LARGE1: variants seen among roughly 807,000 people sequenced by gnomAD.
LARGE1 encodes the protein LARGE xylosyl- and glucuronyltransferase 1, also known as xylosyl- and glucuronyltransferase LARGE1.
A neutral mutation model predicts 87.6 loss-of-function variants in LARGE1; 43 were observed. The ratio of observed to expected loss-of-function variants is 0.49; its 90% CI spans 0.38 to 0.63. The LOEUF (loss-of-function observed/expected upper bound fraction) is 0.63. LARGE1 is among the 30% of genes least tolerant of loss of function. The pLI is 0.00. For missense variants in LARGE1, 802 were observed against 1,000.2 expected, an observed-to-expected ratio of 0.80 and a Z score of 2.67; for synonymous variants, 434 against 394.6, an observed-to-expected ratio of 1.10 and a Z score of -1.18.
At chr22:33,154,044 C>G in the LARGE1 span, among the ~76,000 whole-genome samples, 1 of 152,096 alleles carries the variant, frequency 6.6e-6, no homozygotes. Context: ...CTATTGGTTG[C>G]TACCCAGTGC....
chr22:33,667,056 A>G (rs1226820992), intron 2 of LARGE1, among the ~76,000 whole-genome samples: 1 of 152,212 alleles, frequency 6.6e-6, no homozygotes, highest in Non-Finnish European at 1.5e-5. Flanking sequence ...CTCTCTCCAG[A>G]TCCCAGAAGG....
chr22:33,067,782 C>A, the LARGE1 span, among the ~76,000 whole-genome samples: 195 of 152,212 alleles, frequency 1.3e-3, no homozygotes, highest in African/African-American at 4.6e-3. Flanking sequence ...GAGTTCGAGA[C>A]AAGCCTGGCC....
intron 7 of LARGE1, among the ~76,000 whole-genome samples, chr22:33,386,642 T>C (rs1275306156): frequency 6.7e-6 from 1 of 148,842 alleles, no homozygotes; most frequent in East Asian, 1.9e-4. Context: ...GGGAGGAAGG[T>C]ACACAGTGGA....
chr22:33,920,924 G>T (rs1167234331), upstream of LARGE1, among the ~76,000 whole-genome samples: 1 of 148,174 alleles, frequency 6.7e-6, no homozygotes, highest in Admixed American at 6.7e-5. Flanking sequence ...AACCGGCAGG[G>T]GCGGGCGCTG....
At chr22:33,542,645 A>G in intron 6 of LARGE1, among the ~76,000 whole-genome samples, 1 of 151,196 alleles carries the variant, frequency 6.6e-6, no homozygotes, top group East Asian at 1.9e-4. Flanking sequence ...AATGTAGGGT[A>G]TGAGGACAAG....
intron 6 of LARGE1, among the ~76,000 whole-genome samples, chr22:33,482,326 T>C (rs952779121): frequency 3.3e-5 from 5 of 152,230 alleles, no homozygotes; most frequent in African/African-American, 1.2e-4. Context: ...CTTTCCTTTT[T>C]CCTTTCTTCT....
At chr22:33,724,046 G>A (rs535020811) in intron 2 of LARGE1, 1 of 153,002 alleles carries the variant, frequency 6.5e-6, no homozygotes, top group Non-Finnish European at 1.5e-5. Context: ...GGAGAGGAGA[G>A]TGTGAATAGG....
chr22:33,626,756 G>A (rs1316916838), intron 3 of LARGE1, among the ~76,000 whole-genome samples: 1 of 152,190 alleles, frequency 6.6e-6, no homozygotes, highest in Non-Finnish European at 1.5e-5. Context: ...AAGATGTGTT[G>A]GGTTAGGGTC....
At chr22:33,290,467 C>T (rs531777633) in intron 12 of LARGE1, among the ~76,000 whole-genome samples, 14 of 152,236 alleles carry the variant, frequency 9.2e-5, no homozygotes, top group African/African-American at 2.4e-4. Context: ...TCAGGTAGAA[C>T]GAGAAGAGGA....
rs575894344 is a variant in LARGE1 at position 33,399,579 on chromosome 22, T to C, written c.893-15275A>G. Among the ~76,000 whole-genome samples, 9 of 151,330 alleles carry C rather than the reference T, an allele frequency of 5.9e-5. No individual in the cohort carries two copies. The East Asian group carries it at 1.4e-3, about 23-fold the overall frequency. ...AGGATCTAGAACCAGAAACTTCTGC[T>C]TTTTTTTTGCCCAGGCTGGAGTGCA... On this transcript the variant is annotated intron_variant, in intron 7 of 14. Transcript: ENST00000397394.
At chr22:33,853,779 C>T (rs181757329) in intron 1 of LARGE1, among the ~76,000 whole-genome samples, 1 of 152,380 alleles carries the variant, frequency 6.6e-6, no homozygotes, top group Admixed American at 6.5e-5. Context: ...GTGCCGTCTG[C>T]TGTATCCTCA....
chr22:33,179,035 T>C (rs764084981), intron 11 of LARGE1, among the ~76,000 whole-genome samples: 1 of 152,168 alleles, frequency 6.6e-6, no homozygotes, highest in Admixed American at 6.5e-5. Flanking sequence ...GGCAAGAGCA[T>C]GTGTGTCAGC....
chr22:33,864,377 A>G (rs2064024213), intron 1 of LARGE1, among the ~76,000 whole-genome samples: 1 of 152,212 alleles, frequency 6.6e-6, no homozygotes, highest in South Asian at 2.1e-4. Flanking sequence ...CACAATACAG[A>G]TACTAAGTAC....
intron 2 of LARGE1, among the ~76,000 whole-genome samples, chr22:33,731,088 C>T (rs756660626): frequency 5.9e-5 from 9 of 151,500 alleles, no homozygotes; most frequent in African/African-American, 7.3e-5. Flanking sequence ...CTGCAAGCTC[C>T]GCCTCCCGGG....
intron 11 of LARGE1, among the ~76,000 whole-genome samples, chr22:33,210,069 C>T (rs560404902): frequency 6.6e-6 from 1 of 152,354 alleles, no homozygotes; most frequent in Admixed American, 6.5e-5. Flanking sequence ...GGGACCCAGG[C>T]ATCAGTTTTT....
At chr22:33,688,176 C>T (rs2081997095) in intron 2 of LARGE1, among the ~76,000 whole-genome samples, 2 of 152,158 alleles carry the variant, frequency 1.3e-5, no homozygotes, top group African/African-American at 4.8e-5. Flanking sequence ...TCTCAATGTC[C>T]ACCTATAAAG....
At chr22:33,269,982 G>T (rs1928161417), downstream of LARGE1, among the ~76,000 whole-genome samples, 1 of 149,498 alleles carries the variant, frequency 6.7e-6, no homozygotes, top group Admixed American at 6.6e-5. Context: ...TCCAGCCTGG[G>T]TGACAGAGCA....
At chr22:33,572,580 C>A (rs2078238018) in intron 5 of LARGE1, among the ~76,000 whole-genome samples, 1 of 152,212 alleles carries the variant, frequency 6.6e-6, no homozygotes, top group Non-Finnish European at 1.5e-5. Flanking sequence ...CTTGCCACAT[C>A]AGGGCTCGAT....
At chr22:33,487,192 CATCTGACGG>C (rs1169650664) in intron 6 of LARGE1, among the ~76,000 whole-genome samples, 1 of 152,174 alleles carries the variant, frequency 6.6e-6, no homozygotes, top group African/African-American at 2.4e-5. Context: ...CCTGTTCATC[CATCTGACGG>C]ATAATTACTG....
Sources: gnomAD v4.1 joint callset for allele counts (sites outside exome capture counted in the v4.1 genomes callset) on GRCh38, gnomAD v4.1.1 for gene constraint, MANE v1.5 for transcripts, NCBI Gene and HGNC (gene_info 2026-07-23, HGNC 2026-07-21) for gene names.